The following CDKAL1 variants were observed in gnomAD, a reference collection of about 807,000 sequenced individuals.
CDKAL1 encodes the protein CDKAL1 threonylcarbamoyladenosine tRNA methylthiotransferase.
In CDKAL1, 32 loss-of-function variants were observed where a neutral mutation model predicts 68.2. That is an observed-to-expected ratio of 0.47 (90% CI 0.35 to 0.63). The LOEUF is 0.63. Among genes scored for constraint, CDKAL1 ranks in the 30% least tolerant of loss-of-function variants. CDKAL1 has a pLI of 0.00. For synonymous variants in CDKAL1, 234 were observed against 244.3 expected (o/e 0.96, Z 0.39); for missense variants, 606 against 696.7 (o/e 0.87, Z 1.47).
chr6:21,038,896 A>G (rs1452088714), intron 11 of CDKAL1, among the ~76,000 whole-genome samples: 1 of 152,236 alleles, frequency 6.6e-6, no homozygotes, highest in Non-Finnish European at 1.5e-5. Context: ...AATATCATCC[A>G]GTATATCTAA....
At chr6:20,983,561 A>G (rs1271808353) in intron 10 of CDKAL1, among the ~76,000 whole-genome samples, 1 of 152,098 alleles carries the variant, frequency 6.6e-6, no homozygotes, top group African/African-American at 2.4e-5. Flanking sequence ...TCTCTACTAA[A>G]AGTACAAAAA....
chr6:21,094,332 C>G (rs943044247), intron 12 of CDKAL1, among the ~76,000 whole-genome samples: 33 of 152,056 alleles, frequency 2.2e-4, no homozygotes, highest in African/African-American at 8.0e-4. Context: ...AAGGTAGTTA[C>G]TTCTAAGGAA....
intron 4 of CDKAL1, among the ~76,000 whole-genome samples, chr6:20,638,729 GTATC>G: frequency 1.0e-5 from 1 of 99,558 alleles, no homozygotes; most frequent in Middle Eastern, 5.0e-3. Flanking sequence ...CTCCTCCCAA[GTATC>G]TGGGATTACA....
chr6:20,788,017 C>G (rs1775747421), intron 8 of CDKAL1, among the ~76,000 whole-genome samples: 1 of 152,132 alleles, frequency 6.6e-6, no homozygotes, highest in African/African-American at 2.4e-5. Context: ...TTGAGTGTCC[C>G]TTCTTTAACT....
intron 6 of CDKAL1, among the ~76,000 whole-genome samples, chr6:20,749,623 C>G (rs1349990790): frequency 2.0e-5 from 3 of 151,876 alleles, no homozygotes; most frequent in South Asian, 2.1e-4. Flanking sequence ...TCTCGGCTCA[C>G]TGCAAGCTCC....
intron 8 of CDKAL1, among the ~76,000 whole-genome samples, chr6:20,803,545 T>G (rs1328736475): frequency 9.9e-5 from 15 of 152,178 alleles, no homozygotes; most frequent in Admixed American, 3.9e-4. Flanking sequence ...AAATAAGCCA[T>G]TGGCGGTGAT....
chr6:20,706,264 C>A (rs1273660674), intron 5 of CDKAL1, among the ~76,000 whole-genome samples: 1 of 152,114 alleles, frequency 6.6e-6, no homozygotes, highest in African/African-American at 2.4e-5. Flanking sequence ...GGAGGCAAAC[C>A]TGTTTGGGGC....
At chr6:20,610,578 T>A (rs747807759) in intron 4 of CDKAL1, among the ~76,000 whole-genome samples, 1 of 152,108 alleles carries the variant, frequency 6.6e-6, no homozygotes, top group South Asian at 2.1e-4. Context: ...TCTTCCCTCA[T>A]GCACAAACTT....
intron 7 of CDKAL1, among the ~76,000 whole-genome samples, chr6:20,776,634 A>G (rs1265117703): frequency 1.3e-5 from 2 of 152,202 alleles, no homozygotes; most frequent in African/African-American, 2.4e-5. Context: ...TAAAAGTTGC[A>G]TTTAATATGC....
chr6:20,836,905 C>T (rs181265298), intron 8 of CDKAL1, among the ~76,000 whole-genome samples: 19 of 152,224 alleles, frequency 1.2e-4, no homozygotes, highest in African/African-American at 2.9e-4. Context: ...TTTGGGTAGT[C>T]GCCTTGATAG....
intron 12 of CDKAL1, among the ~76,000 whole-genome samples, chr6:21,078,176 A>T (rs1252481972): frequency 6.6e-6 from 1 of 152,216 alleles, no homozygotes; most frequent in Non-Finnish European, 1.5e-5. Context: ...GTAATTTGTT[A>T]CTGCAACTAT....
intron 5 of CDKAL1, among the ~76,000 whole-genome samples, chr6:20,716,169 G>T (rs1478694230): frequency 6.6e-6 from 1 of 152,180 alleles, no homozygotes; most frequent in Non-Finnish European, 1.5e-5. Flanking sequence ...GCCTTGTGGG[G>T]ATTGGGGAGA....
intron 11 of CDKAL1, among the ~76,000 whole-genome samples, chr6:21,003,387 CACAT>C (rs1180148020): frequency 2.0e-5 from 2 of 98,172 alleles, no homozygotes; most frequent in African/African-American, 3.8e-5. Flanking sequence ...CACACACACA[CACAT>C]ATATACACAC....
intron 2 of CDKAL1, among the ~76,000 whole-genome samples, chr6:20,546,040 T>C (rs1440244967): frequency 6.6e-6 from 1 of 152,120 alleles, no homozygotes; most frequent in Non-Finnish European, 1.5e-5. Flanking sequence ...CTTCCTGTTA[T>C]CTGAAACAGT....
chr6:21,184,196 CTTT>C (rs34248538), intron 13 of CDKAL1, among the ~76,000 whole-genome samples: 8 of 116,932 alleles, frequency 6.8e-5, no homozygotes, highest in African/African-American at 6.0e-5. Flanking sequence ...TTTCTTTGAC[CTTT>C]TTTTTTTTTT....
At chr6:21,132,511 G>A (rs994829658) in intron 13 of CDKAL1, among the ~76,000 whole-genome samples, 1 of 149,324 alleles carries the variant, frequency 6.7e-6, no homozygotes, top group South Asian at 2.1e-4. Context: ...ATGTTAATAT[G>A]TAGTCATTCC....
chr6:21,169,416 C>T (rs1330107631), intron 13 of CDKAL1, among the ~76,000 whole-genome samples: 1 of 152,234 alleles, frequency 6.6e-6, no homozygotes, highest in Non-Finnish European at 1.5e-5. Context: ...AGGCAGATCA[C>T]TTGAAGCCAG....
At chr6:20,991,706 C>CAAAAAAAAAAAAAAAAAAAAAAAAAA (rs35504365) in intron 10 of CDKAL1, among the ~76,000 whole-genome samples, 1 of 59,620 alleles carries the variant, frequency 1.7e-5, no homozygotes, top group Non-Finnish European at 3.1e-5. Flanking sequence ...TATTCCCTCT[C>CAAAAAAAAAAAAAAAAAAAAAAAAAA]AAAAAAAAAA....
chr6:20,705,589 C>G (rs910857759), intron 5 of CDKAL1, among the ~76,000 whole-genome samples: 1 of 152,128 alleles, frequency 6.6e-6, no homozygotes, highest in Non-Finnish European at 1.5e-5. Context: ...GGAAAGACCC[C>G]CATGTATAAA....
Sources: allele counts gnomAD v4.1 joint callset (sites outside exome capture counted in the v4.1 genomes callset), GRCh38; gene constraint gnomAD v4.1.1; transcripts MANE v1.5; gene names NCBI Gene and HGNC (gene_info 2026-07-23, HGNC 2026-07-21).